ROBO1: variants seen among roughly 807,000 people sequenced by gnomAD.
The protein encoded by ROBO1 is roundabout guidance receptor 1.
ROBO1 carries 149 observed loss-of-function variants against 195.9 expected under a neutral mutation model. The observed-to-expected ratio is 0.76, with a 90% CI of 0.67 to 0.87. The LOEUF is 0.87. Ranked by LOEUF, ROBO1 falls within the 40% of genes least tolerant of loss-of-function variation. ROBO1 has a pLI of 0.00. For synonymous variants in ROBO1, 816 were observed against 733.2 expected (o/e 1.11, Z -1.82); for missense variants, 1,933 against 2,068.3 (o/e 0.93, Z 1.27).
chr3:78,728,638 G>A (rs1271714252), intron 5 of ROBO1, among the ~76,000 whole-genome samples: 5 of 152,164 alleles, frequency 3.3e-5, no homozygotes, highest in South Asian at 2.1e-4. Flanking sequence ...AAAGGACACC[G>A]GGGCAAGTAC....
At chr3:79,001,110 G>A (rs1559577589) in intron 3 of ROBO1, among the ~76,000 whole-genome samples, 2 of 151,852 alleles carry the variant, frequency 1.3e-5, no homozygotes, top group South Asian at 2.1e-4. Context: ...ATCACACACC[G>A]GGGCCTGTCA....
At chr3:78,801,577 G>C (rs900823141) in intron 4 of ROBO1, among the ~76,000 whole-genome samples, 22 of 151,996 alleles carry the variant, frequency 1.4e-4, no homozygotes, top group Non-Finnish European at 2.5e-4. Context: ...AAATATAATT[G>C]CTGTAAATGG....
chr3:79,535,675 T>A (rs1360215723), intron 2 of ROBO1, among the ~76,000 whole-genome samples: 1 of 152,176 alleles, frequency 6.6e-6, no homozygotes, highest in East Asian at 1.9e-4. Context: ...AAATGTATTT[T>A]TTTTATGTAA....
At chr3:78,604,133 T>C (rs1703332929) in intron 29 of ROBO1, among the ~76,000 whole-genome samples, 1 of 152,148 alleles carries the variant, frequency 6.6e-6, no homozygotes, top group African/African-American at 2.4e-5. Flanking sequence ...TATAATGGCA[T>C]GATCTTGGCT....
rs770855014 is a variant in ROBO1 at position 78,635,961 on chromosome 3, C to A, written c.3185G>T (p.Arg1062Leu). ...AGGCTGCCCTGATGGATTGACAAAA[C>A]GCCCATCCTTCAGATTTGGGCTATT... is the stretch of plus-strand genomic sequence containing the variant. ...TFNSPNLKDG[R>L]FVNPSGQPTP... Residue 1062 changes from arginine to leucine, a missense_variant, in exon 23 of 31, where the codon CGT becomes CTT. By Grantham distance (102) the Arg-to-Leu change is moderately radical (BLOSUM62 -2). Transcript: ENST00000464233. The A allele has an allele frequency of 3.1e-6, 5 of 1,613,770 alleles. No individual in the cohort carries two copies. Among genetic ancestry groups the A allele is most frequent in the East Asian group, 2.2e-5 (1 of 44,878 alleles).
intron 21 of ROBO1, among the ~76,000 whole-genome samples, chr3:78,641,430 A>C (rs957663334): frequency 2.6e-5 from 4 of 152,230 alleles, no homozygotes; most frequent in Non-Finnish European, 5.9e-5. Flanking sequence ...TAAGCTGTTA[A>C]AACTGAGCCA....
chr3:79,099,743 T>C (rs1425495860), intron 3 of ROBO1, among the ~76,000 whole-genome samples: 1 of 151,856 alleles, frequency 6.6e-6, no homozygotes. Flanking sequence ...ATGGAGATAA[T>C]ACTGAAATGG....
intron 3 of ROBO1, among the ~76,000 whole-genome samples, chr3:79,063,643 A>AT (rs2078957894): frequency 6.6e-6 from 1 of 151,662 alleles, no homozygotes; most frequent in African/African-American, 2.4e-5. Context: ...TTGAAATACT[A>AT]TTTTTATGTG....
intron 3 of ROBO1, among the ~76,000 whole-genome samples, chr3:79,015,387 C>CA (rs1018853167): frequency 1.3e-5 from 2 of 149,956 alleles, no homozygotes; most frequent in African/African-American, 4.9e-5. Context: ...CACGCCCCCC[C>CA]CCAAAAAAAC....
chr3:79,517,971 G>A (rs188679137), intron 2 of ROBO1, among the ~76,000 whole-genome samples: 132 of 152,254 alleles, frequency 8.7e-4, no homozygotes, highest in Non-Finnish European at 2.5e-4. Context: ...GGGTGTTAGG[G>A]TTTATTGACC....
chr3:78,934,712 C>CA (rs919612790), intron 4 of ROBO1, among the ~76,000 whole-genome samples: 6 of 151,972 alleles, frequency 3.9e-5, no homozygotes, highest in African/African-American at 7.2e-5. Flanking sequence ...ACCCAATTTC[C>CA]AGTCTTCATT....
At position 79,405,932 on chromosome 3, in the gene ROBO1, T is replaced by C. The variant is rs569442993; in HGVS notation, c.88+183892A>G. Among the ~76,000 whole-genome samples, 6 of 152,276 alleles carry C rather than the reference T, an allele frequency of 3.9e-5. No individual in the cohort carries two copies. In the South Asian group the frequency reaches 1.0e-3, roughly 26 times the overall value. On this transcript the variant is annotated intron_variant, in intron 2 of 30. Transcript: ENST00000464233. ...AAGAGGAAAAAACTGTTTTGCAGTATTAAGTTCTTGGGGAATTGTATGATA... is the reference window on the plus strand; with the variant it reads ...AAGAGGAAAAAACTGTTTTGCAGTACTAAGTTCTTGGGGAATTGTATGATA...
chr3:79,361,489 TTAA>T (rs1477048059), intron 2 of ROBO1, among the ~76,000 whole-genome samples: 1 of 152,078 alleles, frequency 6.6e-6, no homozygotes, highest in African/African-American at 2.4e-5. Context: ...AGCTCACGAT[TTAA>T]TACCAGCAAA....
At chr3:79,335,472 G>C (rs191486058) in intron 2 of ROBO1, among the ~76,000 whole-genome samples, 1 of 152,072 alleles carries the variant, frequency 6.6e-6, no homozygotes, top group Non-Finnish European at 1.5e-5. Flanking sequence ...CTGAGGTCTC[G>C]TGTGATCTGA....
At chr3:79,618,317 C>A (rs998081102) in intron 1 of ROBO1, among the ~76,000 whole-genome samples, 1 of 152,110 alleles carries the variant, frequency 6.6e-6, no homozygotes, top group Non-Finnish European at 1.5e-5. Context: ...TATTGTCAGG[C>A]CTCTGAGCCC....
At position 79,404,979 on chromosome 3, in the gene ROBO1, GT is replaced by G. The variant is rs777018634; in HGVS notation, c.88+184844del. Among the ~76,000 whole-genome samples the G allele has an allele frequency of 1.2e-4, 19 of 152,094 alleles. No homozygotes were observed. In the East Asian group the frequency reaches 3.5e-3, roughly 28 times the overall value. On this transcript the variant is annotated intron_variant, in intron 2 of 30. Coordinates refer to ENST00000464233, the MANE Select transcript of ROBO1 (RefSeq NM_002941.4). The stretch of plus-strand genomic sequence containing the variant: ...ACCCTCCTTGTATTAAAAAATAATG[GT>G]TTTTAATATACTAGCTATTCTTTCT...
intron 4 of ROBO1, among the ~76,000 whole-genome samples, chr3:78,918,050 A>G (rs2038724644): frequency 6.6e-6 from 1 of 152,238 alleles, no homozygotes; most frequent in Non-Finnish European, 1.5e-5. Context: ...GGCTTTCAGT[A>G]CATATTAACT....
intron 1 of ROBO1, among the ~76,000 whole-genome samples, chr3:79,750,723 G>A (rs1017613084): frequency 1.1e-4 from 16 of 152,126 alleles, no homozygotes; most frequent in African/African-American, 3.9e-4. Context: ...CTTCCATCAT[G>A]ATTGTGAGGC....
intron 3 of ROBO1, among the ~76,000 whole-genome samples, chr3:78,941,832 A>G (rs537595513): frequency 6.6e-6 from 1 of 152,296 alleles, no homozygotes; most frequent in South Asian, 2.1e-4. Context: ...GGCTTTGTAC[A>G]ATGAGCCACA....
Sources: allele counts gnomAD v4.1 joint callset (sites outside exome capture counted in the v4.1 genomes callset), GRCh38; gene constraint gnomAD v4.1.1; transcripts MANE v1.5; gene names NCBI Gene and HGNC (gene_info 2026-07-23, HGNC 2026-07-21).